ADD2: variants seen among roughly 807,000 people sequenced by gnomAD.
The protein encoded by ADD2 is adducin 2.
Under a neutral mutation model 83.0 loss-of-function variants are expected in ADD2, and 23 were observed. The ratio of observed to expected loss-of-function variants is 0.28; its 90% CI spans 0.20 to 0.39. The LOEUF is 0.39. ADD2 is among the 10% of genes least tolerant of loss of function. The probability of loss-of-function intolerance (pLI) is 1.00; values close to 1 mark genes in which losing one functional copy is unlikely to be tolerated. For synonymous variants in ADD2, 375 were observed against 375.4 expected (o/e 1.00, Z 0.01); for missense variants, 758 against 944.9 (o/e 0.80, Z 2.59).
At chr2:70,753,439 G>A (rs1204090424) in intron 1 of ADD2, among the ~76,000 whole-genome samples, 1 of 152,094 alleles carries the variant, frequency 6.6e-6, no homozygotes, top group Non-Finnish European at 1.5e-5. Flanking sequence ...GGAAGAAAGA[G>A]GTTGATGATG....
chr2:70,751,961 A>G (rs1443318787), intron 1 of ADD2, among the ~76,000 whole-genome samples: 3 of 152,258 alleles, frequency 2.0e-5, no homozygotes, highest in African/African-American at 7.2e-5. Context: ...ACAAGGGCAC[A>G]CAAGACACAA....
At chr2:70,713,352 T>C (rs939884722) in intron 1 of ADD2, among the ~76,000 whole-genome samples, 168 bp from the exon 2 acceptor site, 7 of 152,196 alleles carry the variant, frequency 4.6e-5, no homozygotes, top group African/African-American at 1.7e-4. Flanking sequence ...GTGGCTCATG[T>C]CTGTAATCCC....
chr2:70,692,997 C>T (rs1671130003), intron 6 of ADD2, among the ~76,000 whole-genome samples: 2 of 152,146 alleles, frequency 1.3e-5, no homozygotes, highest in African/African-American at 4.8e-5. Flanking sequence ...AGAAAAGGAG[C>T]ATCTGAGAGG....
rs1258135411 is a variant in ADD2 at position 70,659,193 on chromosome 2, G to C, written c.*4232C>G. ...AAAAAGAAAGAAAAAGAAAAAACAT[G>C]TCATGCAGACCTATGCGTAGGCTGT... On this transcript the variant is annotated 3_prime_UTR_variant, in exon 16 of 16. Transcript: ENST00000264436. 2.7e-5 allele frequency: 4 copies of C among 146,496 alleles called. No homozygotes were observed. Among genetic ancestry groups the C allele is most frequent in the African/African-American group, 1.0e-4 (4 of 39,992 alleles). The allele number at this position is 146,496 out of a possible 1,614,324, so 9.1% of individuals were successfully genotyped here. A position where few individuals can be genotyped will look rare whatever the true frequency, so the allele number is the denominator to read the frequency against.
intron 15 of ADD2, among the ~76,000 whole-genome samples, chr2:70,672,468 A>G (rs782498649): frequency 6.6e-6 from 1 of 152,176 alleles, no homozygotes; most frequent in Non-Finnish European, 1.5e-5. Context: ...TGACATCATT[A>G]CCCTCACCTG....
At chr2:70,667,754 G>C (rs1194355526) in intron 15 of ADD2, among the ~76,000 whole-genome samples, 2 of 152,132 alleles carry the variant, frequency 1.3e-5, no homozygotes, top group African/African-American at 4.8e-5. Flanking sequence ...GAGTAGCTGG[G>C]ATTACAGGCG....
At chr2:70,715,594 G>GT (rs1370805562) in intron 1 of ADD2, among the ~76,000 whole-genome samples, 1 of 152,166 alleles carries the variant, frequency 6.6e-6, no homozygotes, top group Admixed American at 6.5e-5. Flanking sequence ...GGCGGCAGGA[G>GT]TTAGGGCAGT....
rs1672283178 is a variant in ADD2, at chr2:70,713,119, C to T, written c.-88G>A. 6.1e-6 allele frequency: 6 copies of T among 985,492 alleles called. No homozygotes were observed. Among genetic ancestry groups the T allele is most frequent in the Non-Finnish European group, 7.2e-6 (6 of 830,062 alleles). The allele number at this position is 985,492 out of a possible 1,614,324, so 61.0% of individuals were successfully genotyped here. On this transcript the variant is annotated 5_prime_UTR_variant, in exon 2 of 16. Coordinates refer to ENST00000264436, the MANE Select transcript of ADD2 (RefSeq NM_001617.4). Reference sequence around the variant, plus strand: ...CTCCTTCTGTTCACTGCTCAGTCTGCACCCCCTAGCTCCACTCTCAAGGGT... The same window carrying T: ...CTCCTTCTGTTCACTGCTCAGTCTGTACCCCCTAGCTCCACTCTCAAGGGT...
chr2:70,671,758 A>G (rs1553367087), intron 15 of ADD2, among the ~76,000 whole-genome samples: 1 of 152,204 alleles, frequency 6.6e-6, no homozygotes, highest in African/African-American at 2.4e-5. Context: ...GGGCCTGCAC[A>G]GGAGGCAATA....
chr2:70,711,790 C>G (rs782351082), intron 2 of ADD2, among the ~76,000 whole-genome samples: 1 of 152,172 alleles, frequency 6.6e-6, no homozygotes, highest in Non-Finnish European at 1.5e-5. Flanking sequence ...AAGTACCATA[C>G]TTTCGGTGAG....
intron 10 of ADD2, 83 bp downstream of exon 10, chr2:70,683,508 C>T (rs1670566205): frequency 1.4e-6 from 2 of 1,416,902 alleles, no homozygotes; most frequent in Non-Finnish European, 9.5e-7. Context: ...AATTCTTGTG[C>T]CCACCTGATG....
intron 1 of ADD2, among the ~76,000 whole-genome samples, chr2:70,723,929 A>C (rs1434054823): frequency 2.0e-5 from 3 of 152,214 alleles, no homozygotes; most frequent in Non-Finnish European, 4.4e-5. Flanking sequence ...CCCACCTCTC[A>C]CCACTTAGAA....
rs11126293 is a variant in ADD2, at chr2:70,743,714, A to C, written c.-154+24172T>G. Among the ~76,000 whole-genome samples the C allele has an allele frequency of 9.0e-3, 1,366 of 152,312 alleles. 17 individuals are homozygous for C. The highest frequency in any genetic ancestry group is 0.031 in the African/African-American group (1,302 of 41,554). Reference sequence around the variant, plus strand: ...TGTATTTAAAGTCATCAAGTCTTGTAAGGAAAAACAAGAGTCAACAATGAA... The same window carrying C: ...TGTATTTAAAGTCATCAAGTCTTGTCAGGAAAAACAAGAGTCAACAATGAA... On this transcript the variant is annotated intron_variant, in intron 1 of 15. Transcript: ENST00000264436.
At chr2:70,669,545 G>A (rs1669814182) in intron 15 of ADD2, among the ~76,000 whole-genome samples, 1 of 152,218 alleles carries the variant, frequency 6.6e-6, no homozygotes, top group South Asian at 2.1e-4. Context: ...ACCACAGCTA[G>A]GATACAAATG....
chr2:70,698,396 A>T (rs1465900819), intron 4 of ADD2, among the ~76,000 whole-genome samples: 3 of 152,214 alleles, frequency 2.0e-5, no homozygotes, highest in African/African-American at 7.2e-5. Context: ...AGGGCTCAAA[A>T]GGAGCTCCCG....
chr2:70,727,226 C>G (rs147752296), intron 1 of ADD2, among the ~76,000 whole-genome samples: 7 of 152,250 alleles, frequency 4.6e-5, no homozygotes, highest in African/African-American at 1.7e-4. Context: ...TCAAGCTCCT[C>G]GAGCTACCAT....
chr2:70,684,448 C>A (rs979923797), intron 9 of ADD2, among the ~76,000 whole-genome samples: 6 of 152,122 alleles, frequency 3.9e-5, no homozygotes, highest in Non-Finnish European at 8.8e-5. Context: ...GGAGTCCTGC[C>A]ATGTTGGCCA....
chr2:70,701,662 A>G (rs115514892), intron 4 of ADD2, among the ~76,000 whole-genome samples: 1 of 152,274 alleles, frequency 6.6e-6, no homozygotes, highest in African/African-American at 2.4e-5. Context: ...GAGTTCAATA[A>G]GGGGCTAGTG....
At chr2:70,714,816 GC>G (rs1477895593) in intron 1 of ADD2, among the ~76,000 whole-genome samples, 1 of 152,196 alleles carries the variant, frequency 6.6e-6, no homozygotes, top group Admixed American at 6.5e-5. Flanking sequence ...GTCTGAGGCT[GC>G]CCTGTGGCCA....
Sources: gnomAD v4.1 joint callset for allele counts (sites outside exome capture counted in the v4.1 genomes callset) on GRCh38, gnomAD v4.1.1 for gene constraint, MANE v1.5 for transcripts, NCBI Gene and HGNC (gene_info 2026-07-23, HGNC 2026-07-21) for gene names.